The following TTC39B variants were observed in gnomAD, a reference collection of about 807,000 sequenced individuals.
TTC39B encodes tetratricopeptide repeat domain 39B, also known as tetratricopeptide repeat protein 39B.
A neutral mutation model predicts 96.6 loss-of-function variants in TTC39B; 92 were observed. The observed-to-expected ratio is 0.95, with a 90% confidence interval of 0.80 to 1.13. The LOEUF is 1.13. TTC39B is among the 50% of genes most tolerant of loss of function. The pLI, the probability that TTC39B is intolerant of heterozygous loss-of-function variation, is 0.00. For synonymous variants in TTC39B, 367 were observed against 299.4 expected, an observed-to-expected ratio of 1.23 and a Z score of -2.33; for missense variants, 955 against 809.3, an observed-to-expected ratio of 1.18 and a Z score of -2.18.
intron 1 of TTC39B, among the ~76,000 whole-genome samples, chr9:15,291,241 C>T (rs1475229): frequency 0.89 from 135,127 of 152,236 alleles, 60,041 homozygotes; most frequent in East Asian, 0.98. Context: ...CTCCCATGCG[C>T]TGTGGGAGGG....
At chr9:15,177,613 T>G in intron 18 of TTC39B, 84 bp downstream of exon 18, 2 of 887,492 alleles carry the variant, frequency 2.3e-6, no homozygotes, top group Non-Finnish European at 3.6e-6. Context: ...CAGTAAGAGA[T>G]AAAAGCATTT....
intron 1 of TTC39B, among the ~76,000 whole-genome samples, chr9:15,277,564 C>G (rs561819872): frequency 1.3e-5 from 2 of 152,174 alleles, no homozygotes; most frequent in African/African-American, 4.8e-5. Context: ...TTGGCCAACA[C>G]AGTGAGACAT....
chr9:15,225,893 G>T, intron 3 of TTC39B, 24 bp downstream of exon 3: 2 of 1,607,210 alleles, frequency 1.2e-6, no homozygotes, highest in Non-Finnish European at 8.5e-7. Flanking sequence ...TCTTCCCCCA[G>T]GAATGCCCAC....
At position 15,211,377 on chromosome 9, in the gene TTC39B, TG is replaced by T; in HGVS notation, c.502del (p.His168MetfsTer15). Reference sequence around the variant, plus strand: ...CACAATGGTACTGTAGCCCAAGGCATGGTACATACTCTCCTTAGCCCTGGGA... The same window carrying T: ...CACAATGGTACTGTAGCCCAAGGCATGTACATACTCTCCTTAGCCCTGGGA... On this transcript the variant is annotated frameshift_variant, in exon 5 of 20. Coordinates refer to ENST00000512701, the Ensembl canonical transcript of TTC39B. LOFTEE classifies it high-confidence loss of function. The T allele has an allele frequency of 1.9e-6, 3 of 1,583,048 alleles. No individual in the cohort carries two copies. The highest frequency in any genetic ancestry group is 2.6e-6 in the Non-Finnish European group (3 of 1,166,842).
chr9:15,290,168 C>A (rs1188804738), intron 1 of TTC39B, among the ~76,000 whole-genome samples: 3 of 151,904 alleles, frequency 2.0e-5, no homozygotes, highest in Non-Finnish European at 4.4e-5. Flanking sequence ...TAGAGAAATC[C>A]TTATAGGATG....
At chr9:15,207,269 G>C (rs190168155) in intron 6 of TTC39B, among the ~76,000 whole-genome samples, 28 of 152,182 alleles carry the variant, frequency 1.8e-4, no homozygotes, top group Admixed American at 5.9e-4. Context: ...CAAGTAGCTG[G>C]GATTACAGGC....
chr9:15,297,173 G>A (rs539464653), intron 1 of TTC39B, among the ~76,000 whole-genome samples: 11 of 152,214 alleles, frequency 7.2e-5, no homozygotes, highest in African/African-American at 2.2e-4. Context: ...CCTGAGGAGC[G>A]CAGTTCCCCT....
chr9:15,186,878 G>T (rs763935206), intron 15 of TTC39B, 66 bp downstream of exon 15: 1 of 1,429,556 alleles, frequency 7.0e-7, no homozygotes, highest in South Asian at 1.2e-5. Context: ...TGTATTTTCA[G>T]TAGAGATGAG....
chr9:15,195,014 T>C, intron 8 of TTC39B, among the ~76,000 whole-genome samples: 1 of 152,180 alleles, frequency 6.6e-6, no homozygotes, highest in East Asian at 1.9e-4. Context: ...TAGAAATAAT[T>C]AAGCGTAGTG....
At chr9:15,287,711 C>A (rs1383185482) in intron 1 of TTC39B, among the ~76,000 whole-genome samples, 1 of 152,072 alleles carries the variant, frequency 6.6e-6, no homozygotes, top group African/African-American at 2.4e-5. Context: ...TTCTTTCTGG[C>A]TGGGCGCAGT....
intron 2 of TTC39B, among the ~76,000 whole-genome samples, chr9:15,254,313 T>C (rs1822670470): frequency 6.6e-6 from 1 of 152,170 alleles, no homozygotes; most frequent in African/African-American, 2.4e-5. Flanking sequence ...TTTTTTTAAA[T>C]CTTTAAAAAG....
intron 7 of TTC39B, among the ~76,000 whole-genome samples, chr9:15,201,256 A>T (rs1819521317): frequency 6.6e-6 from 1 of 151,230 alleles, no homozygotes. Context: ...CTTGAAATAT[A>T]CCTCAAAAAA....
At chr9:15,184,842 A>G (rs1399528552) in intron 16 of TTC39B, among the ~76,000 whole-genome samples, 2 of 152,232 alleles carry the variant, frequency 1.3e-5, no homozygotes, top group Non-Finnish European at 2.9e-5. Flanking sequence ...AAAATTTTGC[A>G]TATACTGGGT....
chr9:15,271,825 T>C (rs1823364006), intron 1 of TTC39B, among the ~76,000 whole-genome samples: 1 of 152,242 alleles, frequency 6.6e-6, no homozygotes, highest in Non-Finnish European at 1.5e-5. Context: ...ACCATTTCAC[T>C]GGTTTCCTAA....
chr9:15,282,104 AATACTATC>A (rs1823789194), intron 1 of TTC39B, among the ~76,000 whole-genome samples: 1 of 152,252 alleles, frequency 6.6e-6, no homozygotes, highest in Admixed American at 6.5e-5. Context: ...TTGGTGAACC[AATACTATC>A]ATAAGTAAAA....
At chr9:15,197,399 T>C (rs1819233230) in intron 8 of TTC39B, among the ~76,000 whole-genome samples, 2 of 152,200 alleles carry the variant, frequency 1.3e-5, no homozygotes, top group Admixed American at 1.3e-4. Flanking sequence ...TTCCAGGATT[T>C]TGAATGAAAC....
intron 1 of TTC39B, among the ~76,000 whole-genome samples, chr9:15,293,464 C>A (rs1410051330): frequency 6.6e-6 from 1 of 152,088 alleles, no homozygotes; most frequent in Non-Finnish European, 1.5e-5. Context: ...GAAGAAATGA[C>A]CACCTTTTAG....
At chr9:15,190,419 C>G (rs1216884398) in intron 11 of TTC39B, 135 bp downstream of exon 11, 1 of 670,082 alleles carries the variant, frequency 1.5e-6, no homozygotes, top group African/African-American at 1.8e-5. Flanking sequence ...GATCATAGCT[C>G]ACCGCAGCCT....
At position 15,219,634 on chromosome 9, in the gene TTC39B, T is replaced by C. The variant is rs556636137; in HGVS notation, c.372-5385A>G. 2.0e-5 allele frequency among the ~76,000 whole-genome samples: 3 copies of C among 152,310 alleles called. No individual in the cohort carries two copies. In the South Asian group the frequency reaches 6.2e-4, roughly 32 times the overall value. On this transcript the variant is annotated intron_variant, in intron 3 of 19. Transcript: ENST00000512701. Reference sequence around the variant, plus strand: ...TTATCTCCGACACCTCGGACTTCCCTGAGTAGGGACTTCACTAGATGAATG... The same window carrying C: ...TTATCTCCGACACCTCGGACTTCCCCGAGTAGGGACTTCACTAGATGAATG...
Sources: allele counts gnomAD v4.1 joint callset (sites outside exome capture counted in the v4.1 genomes callset), GRCh38; gene constraint gnomAD v4.1.1; transcripts MANE v1.5; gene names NCBI Gene and HGNC (gene_info 2026-07-23, HGNC 2026-07-21).